Variants in TSNARE1 observed in about 807,000 individuals in gnomAD.
The protein encoded by TSNARE1 is t-SNARE domain containing 1, also known as t-SNARE domain-containing protein 1.
TSNARE1 carries 49 observed loss-of-function variants against 62.0 expected under a neutral mutation model. The observed-to-expected ratio is 0.79, with a 90% confidence interval of 0.63 to 1.00. The LOEUF is 1.00. TSNARE1 is among the 50% of genes least tolerant of loss of function. TSNARE1 has a pLI of 0.00. For synonymous variants in TSNARE1, 328 were observed against 294.4 expected (o/e 1.11, Z -1.17); for missense variants, 755 against 700.1 (o/e 1.08, Z -0.88).
intron 1 of TSNARE1, among the ~76,000 whole-genome samples, chr8:142,356,172 C>T (rs1834716363): frequency 6.6e-6 from 1 of 152,214 alleles, no homozygotes; most frequent in African/African-American, 2.4e-5. Context: ...TCCGGGCAGG[C>T]CCAGCAGGAC....
rs144767680 is a variant in TSNARE1 at position 142,263,376 on chromosome 8, G to A, written c.1446+11405C>T. Among the ~76,000 whole-genome samples, 26 of 152,282 alleles carry A rather than the reference G, an allele frequency of 1.7e-4. No individual in the cohort carries two copies. In the East Asian group the frequency reaches 3.7e-3, roughly 21 times the overall value. ...AAGCAGTGTTAAATCCACTTCCAGC[G>A]TAAATCCAACCTGGCGAGGATGCCG... On this transcript the variant is annotated intron_variant, in intron 12 of 13. Coordinates refer to ENST00000524325, the MANE Select transcript of TSNARE1 (RefSeq NM_145003.5).
rs986268970 is a variant in TSNARE1 at position 142,322,711 on chromosome 8, G to C, written c.894-4077C>G. On this transcript the variant is annotated intron_variant, in intron 6 of 13. Coordinates refer to ENST00000524325, the MANE Select transcript of TSNARE1 (RefSeq NM_145003.5). ...GACATTGTTATGGAAGTCCAGCTTG[G>C]CCGTGCCTGTGGGCTGGGCGACGAT... Among the ~76,000 whole-genome samples, 16 of 152,198 alleles carry C rather than the reference G, an allele frequency of 1.1e-4. No individual in the cohort carries two copies. In the East Asian group the frequency reaches 3.1e-3, roughly 29 times the overall value.
chr8:142,328,935 G>A (rs774146804), intron 6 of TSNARE1, among the ~76,000 whole-genome samples: 7 of 152,088 alleles, frequency 4.6e-5, no homozygotes, highest in Admixed American at 6.5e-5. Context: ...GAATGTATTC[G>A]GGTGGAAGGA....
intron 12 of TSNARE1, among the ~76,000 whole-genome samples, chr8:142,267,110 G>C (rs1264558020): frequency 6.6e-6 from 1 of 152,032 alleles, no homozygotes; most frequent in African/African-American, 2.4e-5. Flanking sequence ...CTGATTAATT[G>C]CAACAGCTAA....
At chr8:142,245,358 C>T (rs1003652059) in intron 12 of TSNARE1, among the ~76,000 whole-genome samples, 14 of 152,188 alleles carry the variant, frequency 9.2e-5, no homozygotes, top group African/African-American at 2.9e-4. Flanking sequence ...GAGCAGCAGC[C>T]GACACAAGTG....
chr8:142,271,368 G>T, intron 12 of TSNARE1: 1 of 1,213,166 alleles, frequency 8.2e-7, no homozygotes, highest in Non-Finnish European at 1.0e-6. Context: ...CTCTGCTGCT[G>T]GGCCCAGGAG....
At chr8:142,384,662 C>T (rs1337137068) in intron 1 of TSNARE1, among the ~76,000 whole-genome samples, 2 of 152,124 alleles carry the variant, frequency 1.3e-5, no homozygotes, top group African/African-American at 2.4e-5. Flanking sequence ...CACCTTAAAC[C>T]ACACACAAAA....
intron 9 of TSNARE1, among the ~76,000 whole-genome samples, chr8:142,309,184 C>G (rs1443803470): frequency 6.6e-6 from 1 of 152,198 alleles, no homozygotes; most frequent in Non-Finnish European, 1.5e-5. Flanking sequence ...GCTACAGGTG[C>G]GTTCGGATTT....
In TSNARE1 at chr8:142,300,511, C is replaced by A; in HGVS notation, c.1265G>T (p.Arg422Leu). The change falls in exon 10 of 14, where the codon CGG becomes CTG. Residue 422 changes from arginine (R) to leucine (L), a missense_variant. Physicochemically the swap from Arg to Leu is moderately radical, Grantham distance 102. Transcript: ENST00000524325. ...CTCCATCTGCAGGATGGCCTCCTCC[C>A]GCAGCCGGATGGCCTCCAGGTCCTC... is the stretch of plus-strand genomic sequence containing the variant. ...TEEDLEAIRL[R>L]EEAILQMESN... 1 of 1,607,734 alleles carries A rather than the reference C, an allele frequency of 6.2e-7. No homozygotes were observed. The highest frequency in any genetic ancestry group is 2.2e-5 in the East Asian group (1 of 44,864).
intron 11 of TSNARE1, chr8:142,277,021 G>A (rs978949715): frequency 2.3e-5 from 23 of 985,330 alleles, no homozygotes; most frequent in African/African-American, 1.0e-4. Flanking sequence ...CGTGTTGCTC[G>A]TGGGGTGAGG....
At chr8:142,318,165 C>T (rs976215144) in intron 7 of TSNARE1, among the ~76,000 whole-genome samples, 3 of 152,076 alleles carry the variant, frequency 2.0e-5, no homozygotes, top group South Asian at 2.1e-4. Context: ...CCTTGGGTGG[C>T]GGATGCAGCA....
chr8:142,293,302 CG>C (rs1563845349), intron 10 of TSNARE1, among the ~76,000 whole-genome samples: 1 of 152,198 alleles, frequency 6.6e-6, no homozygotes, highest in African/African-American at 2.4e-5. Context: ...GGCAGAGGGC[CG>C]GGACGCTTGA....
intron 12 of TSNARE1, among the ~76,000 whole-genome samples, chr8:142,241,790 C>T (rs1159763056): frequency 2.0e-5 from 3 of 152,178 alleles, no homozygotes; most frequent in African/African-American, 7.2e-5. Context: ...CTGGGAAAAC[C>T]GGGTATCTAC....
chr8:142,306,036 G>T (rs1269618650), intron 9 of TSNARE1, among the ~76,000 whole-genome samples: 1 of 152,232 alleles, frequency 6.6e-6, no homozygotes, highest in African/African-American at 2.4e-5. Flanking sequence ...GGGAGGGCAG[G>T]GGCCAGGGCA....
chr8:142,381,860 C>G (rs551251036), intron 1 of TSNARE1, among the ~76,000 whole-genome samples: 2 of 152,176 alleles, frequency 1.3e-5, no homozygotes, highest in African/African-American at 4.8e-5. Context: ...GAACAGGCAG[C>G]GCCCGCGGGT....
chr8:142,223,111 CGTT>C (rs1816523704), intron 13 of TSNARE1, among the ~76,000 whole-genome samples: 1 of 35,602 alleles, frequency 2.8e-5, no homozygotes, highest in East Asian at 6.5e-4. Context: ...TTCACTCACT[CGTT>C]CACTCATTCA....
In TSNARE1 at chr8:142,380,424, C is replaced by T. The variant is rs184836394; in HGVS notation, c.-40+22680G>A. On this transcript the variant is annotated intron_variant, in intron 1 of 13. Coordinates refer to ENST00000524325, the MANE Select transcript of TSNARE1 (RefSeq NM_145003.5). ...TGGGCCCAGGACAGGCTCATGGCAT[C>T]GTGGAGCCTCCTGCGGGCTGAACTG... Among the ~76,000 whole-genome samples the T allele has an allele frequency of 6.0e-4, 92 of 152,286 alleles. 1 individual carries two copies. The highest frequency in any genetic ancestry group is 4.9e-3 in the Admixed American group (75 of 15,310).
chr8:142,240,455 G>T (rs1817627402), intron 12 of TSNARE1, among the ~76,000 whole-genome samples: 1 of 151,554 alleles, frequency 6.6e-6, no homozygotes. Flanking sequence ...ACCAAAAAGA[G>T]GTAAAAATAC....
intron 1 of TSNARE1, among the ~76,000 whole-genome samples, chr8:142,356,936 G>A (rs1834788359): frequency 1.3e-5 from 2 of 152,086 alleles, no homozygotes; most frequent in Non-Finnish European, 2.9e-5. Context: ...GACAGGAAGG[G>A]GGGACGCCAA....
Sources: allele counts gnomAD v4.1 joint callset (sites outside exome capture counted in the v4.1 genomes callset), GRCh38; gene constraint gnomAD v4.1.1; transcripts MANE v1.5; gene names NCBI Gene and HGNC (gene_info 2026-07-23, HGNC 2026-07-21).